The following ZNF213 variants were observed in gnomAD, a reference collection of about 807,000 sequenced individuals.
ZNF213 encodes putative transcription factor CR53.
A neutral mutation model predicts 46.0 loss-of-function variants in ZNF213; 32 were observed. The ratio of observed to expected loss-of-function variants is 0.70; its 90% CI spans 0.52 to 0.93. The LOEUF (loss-of-function observed/expected upper bound fraction) is 0.93, where lower values mean the gene tolerates loss of function less well. Ranked by LOEUF, ZNF213 falls within the 40% of genes least tolerant of loss-of-function variation. ZNF213 has a pLI of 0.00. For missense variants in ZNF213, 639 were observed against 652.8 expected (o/e 0.98, Z 0.23); for synonymous variants, 297 against 271.0 (o/e 1.10, Z -0.94).
At chr16:3,135,652 C>T (rs60128765) in intron 1 of ZNF213, among the ~76,000 whole-genome samples, 7,205 of 152,132 alleles carry the variant, frequency 0.047, 556 homozygotes, top group African/African-American at 0.16. Flanking sequence ...CTTTTCTCCC[C>T]GCTATGGATG....
chr16:3,138,991 G>C lies in ZNF213; in HGVS notation c.614G>C (p.Gly205Ala). 1 of 1,614,202 alleles carries C rather than the reference G, an allele frequency of 6.2e-7. No homozygotes were observed. Among genetic ancestry groups the C allele is most frequent in the Non-Finnish European group, 8.5e-7 (1 of 1,180,018 alleles). The change falls in exon 5 of 6, where the codon GGA becomes GCA. Residue 205 changes from glycine to alanine, a missense_variant. Gly to Ala is a moderately conservative substitution (Grantham distance 60). Transcript: ENST00000396878. ...VSGVHGPVAL[G>A]DIPFYFSREE... ...CCATTCCAGGGACCTGTGGCATTGG[G>C]AGACATCCCATTCTATTTCTCCCGG...
rs1056006805 is a variant in ZNF213, at chr16:3,142,214, C to T, written c.*867C>T. On this transcript the variant is annotated 3_prime_UTR_variant, in exon 6 of 6. Coordinates refer to ENST00000396878, the MANE Select transcript of ZNF213 (RefSeq NM_004220.3). ...GCACCCTGCTCCATCGGCACTGGCG[C>T]CCTGCTCCATCGGCACTAATGCTCC... 6 of 190,592 alleles carry T rather than the reference C, an allele frequency of 3.1e-5. No individual in the cohort carries two copies. The highest frequency in any genetic ancestry group is 5.4e-5 in the South Asian group (1 of 18,382). 11.8% of individuals were successfully genotyped at this position (190,592 alleles called of 1,614,324 possible). A position where few individuals can be genotyped will look rare whatever the true frequency, so the allele number is the denominator to read the frequency against.
chr16:3,140,811 A>G lies in ZNF213; in HGVS notation c.844A>G (p.Ser282Gly), dbSNP rs774690967. ...WSPEEAEAWE[S>G]ENRPRAALGP... ...CCCCGAGGAGGCTGAGGCCTGGGAG[A>G]GCGAGAACCGGCCGAGGGCGGCCCT... The change falls in exon 6 of 6, where the codon AGC (serine) becomes GGC (glycine). Residue 282 changes from serine to glycine, a missense_variant. By Grantham distance (56) the Ser-to-Gly change is moderately conservative. Coordinates refer to ENST00000396878, the MANE Select transcript of ZNF213 (RefSeq NM_004220.3). 7.5e-6 allele frequency: 12 copies of G among 1,594,982 alleles called. No homozygotes were observed. The highest frequency in any genetic ancestry group is 1.0e-5 in the Non-Finnish European group (12 of 1,173,236).
Position 3,140,675 on chromosome 16 carries a change from C to T in ZNF213, c.722-14C>T. The T allele has an allele frequency of 6.7e-7, 1 of 1,497,828 alleles. No individual in the cohort carries two copies. The highest frequency in any genetic ancestry group is 1.4e-5 in the South Asian group (1 of 72,830). 92.8% of individuals were successfully genotyped at this position (1,497,828 alleles called of 1,614,324 possible). On this transcript the variant is annotated splice_polypyrimidine_tract_variant and intron_variant, in intron 5 of 5. Coordinates refer to ENST00000396878, the MANE Select transcript of ZNF213 (RefSeq NM_004220.3). ...CCGCGTGGGACTGAAGAGGTCGCCT[C>T]CTTCCCCTTGCAGGTTTTGGGCTCA...
chr16:3,140,518 T>C, intron 5 of ZNF213, 171 bp from the exon 6 acceptor site: 3 of 1,012,146 alleles, frequency 3.0e-6, no homozygotes, highest in Non-Finnish European at 4.0e-6. Context: ...TCACTGCGCC[T>C]GGCCAATCAT....
intron 1 of ZNF213, 48 bp downstream of exon 1, chr16:3,135,435 G>A (rs1957523653): frequency 6.6e-6 from 1 of 152,240 alleles, no homozygotes; most frequent in Admixed American, 6.5e-5. Flanking sequence ...AGTCACCAGA[G>A]GATGAGAATG....
intron 1 of ZNF213, among the ~76,000 whole-genome samples, chr16:3,136,370 C>T (rs972065590): frequency 6.6e-6 from 1 of 152,106 alleles, no homozygotes; most frequent in African/African-American, 2.4e-5. Context: ...ATATATCAAG[C>T]ACATCTCCAG....
chr16:3,138,577 G>A (rs1226573642), intron 3 of ZNF213, 36 bp downstream of exon 3: 9 of 1,613,608 alleles, frequency 5.6e-6, no homozygotes, highest in Non-Finnish European at 7.6e-6. Flanking sequence ...CAGTCGAGTG[G>A]CTGGGCAGGG....
chr16:3,138,426 C>G lies in ZNF213; in HGVS notation c.408C>G (p.Pro136=), dbSNP rs1452914299. 2 of 1,613,556 alleles carry G rather than the reference C, an allele frequency of 1.2e-6. No homozygotes were observed. Among genetic ancestry groups the G allele is most frequent in the Non-Finnish European group, 1.7e-6 (2 of 1,179,760 alleles). Residue 136 remains proline (P), a synonymous_variant, in exon 3 of 6, where the codon CCC becomes CCG. Coordinates refer to ENST00000396878, the MANE Select transcript of ZNF213 (RefSeq NM_004220.3). Reference sequence around the variant, plus strand: ...TTGTGGTTCCTGCACAGGATGTGCCCTCGGAGGAGGCGGAACCCGAGGCTG... The same window carrying G: ...TTGTGGTTCCTGCACAGGATGTGCCGTCGGAGGAGGCGGAACCCGAGGCTG... ...QPVKAWRQDV[P]SEEAEPEAAG...
intron 1 of ZNF213, 155 bp downstream of exon 1, chr16:3,135,542 TATTG>T (rs1567183642): frequency 1.3e-5 from 2 of 152,032 alleles, no homozygotes; most frequent in Non-Finnish European, 1.5e-5. Flanking sequence ...ATCACTCGAG[TATTG>T]ATTAAGAAAC....
At chr16:3,137,765 A>C (rs1337265605) in intron 2 of ZNF213, 86 bp downstream of exon 2, 1 of 1,503,586 alleles carries the variant, frequency 6.7e-7, no homozygotes, top group Non-Finnish European at 9.0e-7. Context: ...AGTCTCCCAG[A>C]GGCTCACAGG....
intron 1 of ZNF213, among the ~76,000 whole-genome samples, chr16:3,136,138 A>G (rs1438567822): frequency 6.6e-6 from 1 of 152,126 alleles, no homozygotes; most frequent in Admixed American, 6.5e-5. Flanking sequence ...GCCAGTTTGT[A>G]TTTTTATTGT....
At chr16:3,136,621 G>A (rs1394005480) in intron 1 of ZNF213, among the ~76,000 whole-genome samples, 1 of 151,700 alleles carries the variant, frequency 6.6e-6, no homozygotes, top group Non-Finnish European at 1.5e-5. Flanking sequence ...GGAGGCTGAA[G>A]CAGGAGAATC....
rs1010411583 is a variant in ZNF213, at chr16:3,141,443, C to T, written c.*96C>T. Reference sequence around the variant, plus strand: ...TCTCCTTCCATCTGTGGCCACCTCCCGGGCTGTCCGAGGGACCCCAGGGTA... The same window carrying T: ...TCTCCTTCCATCTGTGGCCACCTCCTGGGCTGTCCGAGGGACCCCAGGGTA... On this transcript the variant is annotated 3_prime_UTR_variant, in exon 6 of 6. Transcript: ENST00000396878. 1.1e-5 allele frequency: 15 copies of T among 1,388,058 alleles called. No individual in the cohort carries two copies. The highest frequency in any genetic ancestry group is 1.5e-5 in the South Asian group (1 of 68,142). The allele number at this position is 1,388,058 out of a possible 1,614,324, so 86.0% of individuals were successfully genotyped here.
In ZNF213 at chr16:3,141,485, C is replaced by CGCCTGCCCTGCTTGGCTCTGAGG; in HGVS notation, c.*139_*161dup. The stretch of plus-strand genomic sequence containing the variant: ...CCCAGGGTACCTCACACTCGGAGCT[C>CGCCTGCCCTGCTTGGCTCTGAGG]GCCTGCCCTGCTTGGCTCTGAGGAC... On this transcript the variant is annotated 3_prime_UTR_variant, in exon 6 of 6. Transcript: ENST00000396878. 9.6e-7 allele frequency: 1 copy of CGCCTGCCCTGCTTGGCTCTGAGG among 1,036,874 alleles called. No individual in the cohort carries two copies. Among genetic ancestry groups the CGCCTGCCCTGCTTGGCTCTGAGG allele is most frequent in the South Asian group, 1.7e-5 (1 of 58,118 alleles). The allele number at this position is 1,036,874 out of a possible 1,614,324, so 64.2% of individuals were successfully genotyped here. A position where few individuals can be genotyped will look rare whatever the true frequency, so the allele number is the denominator to read the frequency against.
At chr16:3,136,712 C>T (rs1016471680) in intron 1 of ZNF213, among the ~76,000 whole-genome samples, 4 of 110,658 alleles carry the variant, frequency 3.6e-5, no homozygotes, top group South Asian at 8.0e-4. Flanking sequence ...GTGAGACTCT[C>T]TCTCAGTAAA....
In ZNF213 at chr16:3,139,285, G is replaced by A. The variant is rs1957577070; in HGVS notation, c.721+187G>A. Reference sequence around the variant, plus strand: ...GCGTTTCCACATGCAGCATGGGACGGCGCCGGCGCTGCCCAGCCCTGCAGT... The same window carrying A: ...GCGTTTCCACATGCAGCATGGGACGACGCCGGCGCTGCCCAGCCCTGCAGT... On this transcript the variant is annotated intron_variant, in intron 5 of 5. Transcript: ENST00000396878. 3.6e-6 allele frequency: 3 copies of A among 840,654 alleles called. No homozygotes were observed. In the East Asian group the frequency reaches 8.4e-5, roughly 23 times the overall value. 52.1% of individuals were successfully genotyped at this position (840,654 alleles called of 1,614,324 possible).
chr16:3,140,402 T>G (rs1243822013), intron 5 of ZNF213: 1 of 279,988 alleles, frequency 3.6e-6, no homozygotes, highest in Non-Finnish European at 6.5e-6. Flanking sequence ...TTGCATTTTT[T>G]AATAGAGACG....
Position 3,141,398 on chromosome 16 carries a change from G to A in ZNF213, c.*51G>A, listed in dbSNP as rs1296827598. On this transcript the variant is annotated 3_prime_UTR_variant, in exon 6 of 6. Transcript: ENST00000396878. ...GGGAGGCCCAGCCACGGCACATCCT[G>A]CTTTGTTCACCACTGGGACTCTCCT... The A allele has an allele frequency of 6.6e-7, 1 of 1,505,528 alleles. No homozygotes were observed. Among genetic ancestry groups the A allele is most frequent in the African/African-American group, 1.4e-5 (1 of 71,986 alleles). 93.3% of individuals were successfully genotyped at this position (1,505,528 alleles called of 1,614,324 possible).
Sources: allele counts gnomAD v4.1 joint callset (sites outside exome capture counted in the v4.1 genomes callset), GRCh38; gene constraint gnomAD v4.1.1; transcripts MANE v1.5; gene names NCBI Gene and HGNC (gene_info 2026-07-23, HGNC 2026-07-21).